The following RAB11FIP4 variants were observed in gnomAD, a reference collection of about 807,000 sequenced individuals.
RAB11FIP4 encodes rab11 family-interacting protein 4.
RAB11FIP4 carries 23 observed loss-of-function variants against 74.3 expected under a neutral mutation model. The ratio of observed to expected loss-of-function variants is 0.31; its 90% CI spans 0.22 to 0.44. The LOEUF (loss-of-function observed/expected upper bound fraction) is 0.44, where lower values mean the gene tolerates loss of function less well. Ranked by LOEUF, RAB11FIP4 falls within the 20% of genes least tolerant of loss-of-function variation. RAB11FIP4 has a pLI of 1.00. For synonymous variants in RAB11FIP4, 360 were observed against 359.9 expected (o/e 1.00, Z 0.00); for missense variants, 630 against 863.9 (o/e 0.73, Z 3.39).
intron 4 of RAB11FIP4, among the ~76,000 whole-genome samples, chr17:31,520,225 G>A (rs1392765391): frequency 1.3e-5 from 2 of 152,102 alleles, no homozygotes; most frequent in Non-Finnish European, 2.9e-5. Flanking sequence ...ATATGCATAG[G>A]TTGTATGTGA....
rs1551356 is a variant in RAB11FIP4 at position 31,536,987 on chromosome 17, A to G, written c.*5255A>G. 266,979 of 398,890 alleles carry G rather than the reference A, an allele frequency of 0.67. 89,513 individuals carry two copies. The highest frequency in any genetic ancestry group is 0.75 in the East Asian group (20,931 of 28,070). The allele number at this position is 398,890 out of a possible 1,614,324, so 24.7% of individuals were successfully genotyped here. On this transcript the variant is annotated 3_prime_UTR_variant, in exon 15 of 15. Transcript: ENST00000621161. ...AGGTAGAGATGTCTGCCCCGGAGCT[A>G]CCAGCTGGGGATGGCATCCAGGCCA...
intron 3 of RAB11FIP4, among the ~76,000 whole-genome samples, chr17:31,514,620 G>A (rs2072513207): frequency 6.6e-6 from 1 of 152,246 alleles, no homozygotes; most frequent in Admixed American, 6.5e-5. Flanking sequence ...TGAGCCACAG[G>A]GCGGGCATTC....
At position 31,533,371 on chromosome 17, in the gene RAB11FIP4, C is replaced by G. The variant is rs2072905229; in HGVS notation, c.*1639C>G. The G allele has an allele frequency of 6.6e-6, 1 of 152,284 alleles. No individual in the cohort carries two copies. 9.4% of individuals were successfully genotyped at this position (152,284 alleles called of 1,614,324 possible). ...TGACCCAGGACTTTGGAGCCACCCA[C>G]ACTGGGAAGACTAGGCTAGGCAGTC... On this transcript the variant is annotated 3_prime_UTR_variant, in exon 15 of 15. Transcript: ENST00000621161.
intron 3 of RAB11FIP4, among the ~76,000 whole-genome samples, chr17:31,486,796 T>C (rs2071907789): frequency 6.6e-6 from 1 of 152,186 alleles, no homozygotes; most frequent in Non-Finnish European, 1.5e-5. Context: ...CTGTACCTAA[T>C]GCTGTCCCAT....
chr17:31,497,775 T>C (rs2072144758), intron 3 of RAB11FIP4, among the ~76,000 whole-genome samples: 1 of 152,162 alleles, frequency 6.6e-6, no homozygotes, highest in Admixed American at 6.5e-5. Context: ...GGGCTGAGTG[T>C]GCGCTGCTGG....
At chr17:31,485,947 C>G (rs926757373) in intron 3 of RAB11FIP4, among the ~76,000 whole-genome samples, 6 of 151,896 alleles carry the variant, frequency 4.0e-5, no homozygotes, top group Non-Finnish European at 7.4e-5. Context: ...TAAATAGAGA[C>G]AGGGTCAGCC....
At chr17:31,476,461 A>G (rs1422058521) in intron 3 of RAB11FIP4, among the ~76,000 whole-genome samples, 1 of 152,182 alleles carries the variant, frequency 6.6e-6, no homozygotes, top group African/African-American at 2.4e-5. Context: ...CTGGGATTAT[A>G]GGTGTGAGCC....
At chr17:31,393,028 T>C (rs957207514) in intron 1 of RAB11FIP4, among the ~76,000 whole-genome samples, 4 of 152,100 alleles carry the variant, frequency 2.6e-5, no homozygotes, top group Non-Finnish European at 4.4e-5. Context: ...AGAAGCTGGG[T>C]GATGGCCAGG....
At chr17:31,429,805 G>A (rs1317330173) in intron 1 of RAB11FIP4, among the ~76,000 whole-genome samples, 3 of 144,242 alleles carry the variant, frequency 2.1e-5, no homozygotes, top group Non-Finnish European at 4.5e-5. Context: ...CTCCAGCCTG[G>A]GCAACAGAGC....
chr17:31,409,729 G>A (rs1032647079), intron 1 of RAB11FIP4, among the ~76,000 whole-genome samples: 2 of 152,208 alleles, frequency 1.3e-5, no homozygotes, highest in Admixed American at 6.5e-5. Context: ...ACAGGGTGTT[G>A]TACTGGTACA....
At chr17:31,441,668 C>T (rs1312952338) in intron 3 of RAB11FIP4, among the ~76,000 whole-genome samples, 1 of 151,830 alleles carries the variant, frequency 6.6e-6, no homozygotes, top group Non-Finnish European at 1.5e-5. Context: ...GCTGAGATTA[C>T]AGGCGCCCAC....
intron 3 of RAB11FIP4, among the ~76,000 whole-genome samples, chr17:31,455,368 A>G (rs914798987): frequency 1.3e-5 from 2 of 152,132 alleles, no homozygotes; most frequent in African/African-American, 4.8e-5. Flanking sequence ...TCTCCTTTTC[A>G]TGGGACGGGA....
At chr17:31,437,585 G>A (rs1260057596) in intron 3 of RAB11FIP4, among the ~76,000 whole-genome samples, 1 of 152,216 alleles carries the variant, frequency 6.6e-6, no homozygotes, top group Non-Finnish European at 1.5e-5. Context: ...TGGGATGGCA[G>A]GCGCTCCATC....
At chr17:31,490,795 G>A (rs1439914095) in intron 3 of RAB11FIP4, among the ~76,000 whole-genome samples, 1 of 152,188 alleles carries the variant, frequency 6.6e-6, no homozygotes, top group East Asian at 1.9e-4. Flanking sequence ...GGGCTCAAGG[G>A]TTCTGCCTGC....
chr17:31,417,227 G>A (rs899430727), intron 1 of RAB11FIP4, among the ~76,000 whole-genome samples: 1 of 152,056 alleles, frequency 6.6e-6, no homozygotes, highest in Non-Finnish European at 1.5e-5. Context: ...TGACTGTAAG[G>A]CCTCCAGAGT....
At chr17:31,506,879 C>A (rs1003071231) in intron 3 of RAB11FIP4, among the ~76,000 whole-genome samples, 2 of 152,148 alleles carry the variant, frequency 1.3e-5, no homozygotes, top group Admixed American at 1.3e-4. Flanking sequence ...ATACTGATTT[C>A]TTTTCTTTTG....
intron 3 of RAB11FIP4, among the ~76,000 whole-genome samples, chr17:31,481,380 A>G (rs939480860): frequency 3.3e-5 from 5 of 152,182 alleles, no homozygotes; most frequent in African/African-American, 1.2e-4. Context: ...TTTAGGAACC[A>G]CTGCTTTAAA....
chr17:31,408,363 T>C (rs764854567), intron 1 of RAB11FIP4, among the ~76,000 whole-genome samples: 3 of 152,176 alleles, frequency 2.0e-5, no homozygotes, highest in African/African-American at 7.2e-5. Flanking sequence ...GTCCTCCCAA[T>C]AGGAGCAAAA....
intron 3 of RAB11FIP4, among the ~76,000 whole-genome samples, chr17:31,494,296 G>A (rs918769457): frequency 2.0e-5 from 3 of 151,964 alleles, no homozygotes; most frequent in African/African-American, 7.2e-5. Context: ...GTAAAACGAG[G>A]ATGAGGCTAG....
Sources: allele counts gnomAD v4.1 joint callset (sites outside exome capture counted in the v4.1 genomes callset), GRCh38; gene constraint gnomAD v4.1.1; transcripts MANE v1.5; gene names NCBI Gene and HGNC (gene_info 2026-07-23, HGNC 2026-07-21).